The following GAB4 variants were observed in gnomAD, a reference collection of about 807,000 sequenced individuals.
GAB4 encodes GRB2-associated-binding protein 4.
In GAB4, 26 loss-of-function variants were observed where a neutral mutation model predicts 51.3. That is an observed-to-expected ratio of 0.51 (90% confidence interval 0.37 to 0.70). GAB4 has a LOEUF of 0.70. Among genes scored for constraint, GAB4 ranks in the 30% least tolerant of loss-of-function variants. The pLI is 0.00. For missense variants in GAB4, 759 were observed against 734.6 expected, an observed-to-expected ratio of 1.03 and a Z score of -0.38; for synonymous variants, 329 against 291.2, an observed-to-expected ratio of 1.13 and a Z score of -1.32.
At chr22:16,968,430 G>T in intron 4 of GAB4, 47 bp from the exon 5 acceptor site, 1 of 1,393,446 alleles carries the variant, frequency 7.2e-7, no homozygotes, top group Non-Finnish European at 1.0e-6. Flanking sequence ...TGATCCATGT[G>T]TTGATGCCTC....
intron 1 of GAB4, among the ~76,000 whole-genome samples, chr22:17,000,872 G>A (rs2060991954): frequency 6.6e-6 from 1 of 152,130 alleles, no homozygotes; most frequent in Non-Finnish European, 1.5e-5. Context: ...TGTCTGTAAA[G>A]GATTTTATTT....
intron 7 of GAB4, 70 bp downstream of exon 7, chr22:16,965,108 C>A: frequency 8.5e-7 from 1 of 1,171,622 alleles, no homozygotes; most frequent in South Asian, 1.3e-5. Context: ...TGACCACAAG[C>A]CAATGACCAT....
intron 1 of GAB4, among the ~76,000 whole-genome samples, chr22:17,001,503 C>T (rs1251168667): frequency 1.3e-5 from 2 of 152,148 alleles, no homozygotes; most frequent in Admixed American, 1.3e-4. Flanking sequence ...CATTTAAGGA[C>T]TTCTCTATAC....
chr22:16,988,414 C>G (rs1374466857), intron 2 of GAB4, among the ~76,000 whole-genome samples: 1 of 152,204 alleles, frequency 6.6e-6, no homozygotes, highest in Non-Finnish European at 1.5e-5. Context: ...CTGCTCCACT[C>G]CCAGACGGCG....
chr22:16,968,429 T>C (rs2060701225), intron 4 of GAB4, 46 bp from the exon 5 acceptor site: 1 of 1,396,318 alleles, frequency 7.2e-7, no homozygotes, highest in Non-Finnish European at 1.0e-6. Context: ...CTGATCCATG[T>C]GTTGATGCCT....
At chr22:16,995,706 C>T (rs546037868) in intron 1 of GAB4, among the ~76,000 whole-genome samples, 4 of 152,306 alleles carry the variant, frequency 2.6e-5, no homozygotes, top group South Asian at 2.1e-4. Flanking sequence ...CTCCAGCAGA[C>T]CTGCAGAAGA....
At chr22:17,007,052 T>C (rs750903413) in intron 1 of GAB4, among the ~76,000 whole-genome samples, 1 of 152,024 alleles carries the variant, frequency 6.6e-6, no homozygotes, top group Non-Finnish European at 1.5e-5. Flanking sequence ...GCAGAATTGA[T>C]CATACCCCAT....
At chr22:16,984,949 G>A (rs115954260) in intron 3 of GAB4, among the ~76,000 whole-genome samples, 1,611 of 152,322 alleles carry the variant, frequency 0.011, 27 homozygotes, top group African/African-American at 0.036. Flanking sequence ...GTGCACCCTG[G>A]AGGCAAATCC....
chr22:16,985,007 T>C (rs1039685600), intron 3 of GAB4, among the ~76,000 whole-genome samples: 10 of 152,206 alleles, frequency 6.6e-5, no homozygotes, highest in Non-Finnish European at 1.2e-4. Context: ...TCCAAGTTTT[T>C]CTCCAGTCCA....
intron 2 of GAB4, among the ~76,000 whole-genome samples, chr22:16,991,263 TG>T (rs2060911371): frequency 6.6e-6 from 1 of 150,550 alleles, no homozygotes. Flanking sequence ...TTAATTCTGA[TG>T]TGCAACCAGG....
chr22:16,970,387 G>A (rs2060720935), intron 3 of GAB4, among the ~76,000 whole-genome samples, 194 bp from the exon 4 acceptor site: 1 of 152,130 alleles, frequency 6.6e-6, no homozygotes, highest in Non-Finnish European at 1.5e-5. Context: ...TTCCCTTTCT[G>A]AATTAGTTTC....
At chr22:16,987,019 A>T (rs1220315687) in intron 3 of GAB4, among the ~76,000 whole-genome samples, 1 of 152,192 alleles carries the variant, frequency 6.6e-6, no homozygotes, top group African/African-American at 2.4e-5. Flanking sequence ...CAGGTGCTTC[A>T]CCTATAAAAT....
intron 3 of GAB4, among the ~76,000 whole-genome samples, chr22:16,979,255 T>A (rs2060807177): frequency 1.3e-5 from 2 of 152,210 alleles, no homozygotes; most frequent in African/African-American, 4.8e-5. Flanking sequence ...TGTTTGCAGA[T>A]GACATGATTG....
chr22:16,979,017 TG>T (rs1304716286), intron 3 of GAB4, among the ~76,000 whole-genome samples: 1 of 152,158 alleles, frequency 6.6e-6, no homozygotes, highest in African/African-American at 2.4e-5. Flanking sequence ...AACTAGGTAT[TG>T]ATGGGATGTA....
chr22:16,970,916 C>T (rs151286925), intron 3 of GAB4, among the ~76,000 whole-genome samples: 2 of 152,168 alleles, frequency 1.3e-5, no homozygotes, highest in East Asian at 3.9e-4. Context: ...AGGTTTGAAG[C>T]CAGGCACGGT....
intron 3 of GAB4, among the ~76,000 whole-genome samples, chr22:16,971,889 C>G (rs1259226887): frequency 1.3e-5 from 2 of 152,224 alleles, no homozygotes; most frequent in African/African-American, 4.8e-5. Flanking sequence ...CTTCCTGGGC[C>G]TCTGCATTCC....
In GAB4 at chr22:16,987,999, C is replaced by G; in HGVS notation, c.647G>C (p.Arg216Pro). ...WPIPAPPGCL[R>P]SHQHASQRAE... The stretch of plus-strand genomic sequence containing the variant: ...TCTCTGGCTGGCGTGCTGGTGCGAG[C>G]GGAGACACCCCGGAGGTGCAGGGAT... Residue 216 changes from arginine to proline, a missense_variant, in exon 3 of 10, where the codon CGC becomes CCC. By Grantham distance (103) the Arg-to-Pro change is moderately radical. This residue lies in a region of GAB4 where 588 missense variants were observed against 510.2 expected (regional missense o/e 1.15). Transcript: ENST00000400588. The G allele has an allele frequency of 6.2e-7, 1 of 1,609,066 alleles. No individual in the cohort carries two copies. The highest frequency in any genetic ancestry group is 1.1e-5 in the South Asian group (1 of 90,116).
At position 16,963,786 on chromosome 22, in the gene GAB4, G is replaced by C. The variant is rs201165731; in HGVS notation, c.1520C>G (p.Ser507Ter). Residue 507 changes from serine (S) to a stop codon, truncating the protein, a stop_gained, in exon 9 of 10, where the codon TCA becomes TGA. Transcript: ENST00000400588. LOFTEE classifies it high-confidence loss of function. ...AFPVSGGTSS[S>*]APPRSTGNIH... is the part of the protein sequence containing the mutation. ...GTTACCAGTGCTCCTCGGCGGGGCT[G>C]AACTGCTGGTGCCACCGGAAACAGG... 1 of 1,613,956 alleles carries C rather than the reference G, an allele frequency of 6.2e-7. No individual in the cohort carries two copies. Among genetic ancestry groups the C allele is most frequent in the East Asian group, 2.2e-5 (1 of 44,876 alleles).
chr22:16,979,233 T>C (rs2060806691), intron 3 of GAB4, among the ~76,000 whole-genome samples: 1 of 152,188 alleles, frequency 6.6e-6, no homozygotes, highest in Non-Finnish European at 1.5e-5. Flanking sequence ...AAAGAGGAAG[T>C]CAAGTTGTCT....
Sources: allele counts gnomAD v4.1 joint callset (sites outside exome capture counted in the v4.1 genomes callset), GRCh38; gene constraint gnomAD v4.1.1; regional missense constraint gnomAD v4.1.1; transcripts MANE v1.5; gene names NCBI Gene and HGNC (gene_info 2026-07-23, HGNC 2026-07-21).